Variants in DST observed in about 807,000 individuals in gnomAD.
DST encodes the protein bullous pemphigoid antigen.
In DST, 253 loss-of-function variants were observed where a neutral mutation model predicts 875.2. That is an observed-to-expected ratio of 0.29 (90% confidence interval 0.26 to 0.32). The LOEUF (loss-of-function observed/expected upper bound fraction) is 0.32. Ranked by LOEUF, DST falls within the 10% of genes least tolerant of loss-of-function variation. The probability of loss-of-function intolerance (pLI) is 1.00; values close to 1 mark genes in which losing one functional copy is unlikely to be tolerated. For synonymous variants in DST, 3,124 were observed against 3,197.1 expected, an observed-to-expected ratio of 0.98 and a Z score of 0.77; for missense variants, 8,287 against 9,111.6, an observed-to-expected ratio of 0.91 and a Z score of 3.68.
At chr6:56,602,182 T>TAGA (rs2098452000) in intron 43 of DST, among the ~76,000 whole-genome samples, 2 of 133,628 alleles carry the variant, frequency 1.5e-5, no homozygotes, top group African/African-American at 5.6e-5. Context: ...ATTAAGAACT[T>TAGA]AGAAAAAAAA....
At chr6:56,832,693 C>T (rs951362359) in intron 4 of DST, among the ~76,000 whole-genome samples, 1 of 151,626 alleles carries the variant, frequency 6.6e-6, no homozygotes, top group South Asian at 2.1e-4. Flanking sequence ...CAAAATCAAA[C>T]TCTTAATTTG....
At chr6:56,859,513 A>G (rs936662873) in intron 3 of DST, among the ~76,000 whole-genome samples, 2 of 152,226 alleles carry the variant, frequency 1.3e-5, no homozygotes, top group African/African-American at 4.8e-5. Context: ...AAGGAAGAAC[A>G]TTTTAAATAA....
At chr6:56,660,718 T>C (rs2152811917) in intron 10 of DST, among the ~76,000 whole-genome samples, 1 of 151,458 alleles carries the variant, frequency 6.6e-6, no homozygotes, top group African/African-American at 2.4e-5. Flanking sequence ...GAAGGTAATT[T>C]TCCCTTGTTC....
intron 9 of DST, among the ~76,000 whole-genome samples, chr6:56,697,720 A>G (rs1241412679): frequency 2.6e-5 from 4 of 152,128 alleles, no homozygotes; most frequent in East Asian, 1.9e-4. Context: ...GACACAGCCT[A>G]CCTCACCAGC....
chr6:56,895,067 C>A (rs1316584795), intron 3 of DST, among the ~76,000 whole-genome samples: 1 of 106,766 alleles, frequency 9.4e-6, no homozygotes, highest in Non-Finnish European at 1.8e-5. Flanking sequence ...GGGCGACTGG[C>A]CGGGCAGAGG....
chr6:56,691,125 A>G (rs1362942941), intron 9 of DST, among the ~76,000 whole-genome samples: 1 of 152,210 alleles, frequency 6.6e-6, no homozygotes, highest in Non-Finnish European at 1.5e-5. Flanking sequence ...AGATTATAAA[A>G]ATTTCCATTA....
rs148161044 is a variant in DST at position 56,566,371 on chromosome 6, A to G, written c.14005+2098T>C. Among the ~76,000 whole-genome samples, 1,334 of 152,354 alleles carry G rather than the reference A, an allele frequency of 8.8e-3. 19 individuals are homozygous for G. Among genetic ancestry groups the G allele is most frequent in the African/African-American group, 0.03 (1,252 of 41,578 alleles). On this transcript the variant is annotated intron_variant, in intron 55 of 103. Coordinates refer to ENST00000680361, the MANE Select transcript of DST (RefSeq NM_001374736.1). ...TCCTGGTCTGTGAGTTGCGAAGACC[A>G]TAGGAAAAGTGTAGTATCTGGGCCA... is the stretch of plus-strand genomic sequence containing the variant.
Position 56,784,333 on chromosome 6 carries a change from T to A in DST, c.626-49044A>T, listed in dbSNP as rs2099700551. Reference sequence around the variant, plus strand: ...CCTGCAGAGTGTTTTCCAACTTGGTTCCATTCTCCCCGTCACTTTCAGGTA... The same window carrying A: ...CCTGCAGAGTGTTTTCCAACTTGGTACCATTCTCCCCGTCACTTTCAGGTA... On this transcript the variant is annotated intron_variant, in intron 4 of 103. Transcript: ENST00000680361. Among the ~76,000 whole-genome samples the A allele has an allele frequency of 2.6e-5, 4 of 152,246 alleles. 1 individual carries two copies. The South Asian group carries it at 8.3e-4, about 31-fold the overall frequency.
intron 15 of DST, among the ~76,000 whole-genome samples, chr6:56,645,388 C>A (rs1179951218): frequency 6.6e-6 from 1 of 152,110 alleles, no homozygotes; most frequent in Non-Finnish European, 1.5e-5. Flanking sequence ...AGAAGCGTGG[C>A]AGAAAGGGAA....
At position 56,536,947 on chromosome 6, in the gene DST, T is replaced by G. The variant is rs370676277; in HGVS notation, c.16609-7A>C. On this transcript the variant is annotated splice_region_variant and splice_polypyrimidine_tract_variant and intron_variant, in intron 61 of 103. Transcript: ENST00000680361. ...TCTCTTCTTTCTGGAATACCTGCAG[T>G]TAAAAGAGTAATAATTATATGAGTT... 7.4e-6 allele frequency: 12 copies of G among 1,612,574 alleles called. No homozygotes were observed. The African/African-American group carries it at 1.6e-4, about 22-fold the overall frequency.
At chr6:56,695,966 T>C (rs17751695) in intron 9 of DST, among the ~76,000 whole-genome samples, 22,449 of 152,232 alleles carry the variant, frequency 0.15, 2,141 homozygotes, top group Non-Finnish European at 0.22. Context: ...TCTCAAGTTA[T>C]TGTCATACTA....
chr6:56,706,903 G>A (rs1043626567), intron 5 of DST, among the ~76,000 whole-genome samples: 2 of 152,198 alleles, frequency 1.3e-5, no homozygotes, highest in Middle Eastern at 3.2e-3. Flanking sequence ...TACTTGGGAC[G>A]CTGAGGCAGG....
Position 56,501,090 on chromosome 6 carries a change from G to T in DST, c.19886C>A (p.Ala6629Asp). ...GDPKAIEIELAKHHVLQNDVL... is the reference protein window; with the variant it reads ...GDPKAIEIELDKHHVLQNDVL... The stretch of plus-strand genomic sequence containing the variant: ...TTAACAGCTACGTACATGATGCTTG[G>T]CAAGTTCAATTTCAATGGCTTTAGG... The change falls in exon 80 of 104, where the codon GCC (alanine) becomes GAC (aspartate). Residue 6629 changes from alanine to aspartate, a missense_variant. Ala to Asp is a moderately radical substitution (Grantham distance 126). Transcript: ENST00000680361. 6.2e-7 allele frequency: 1 copy of T among 1,612,254 alleles called. No individual in the cohort carries two copies.
At chr6:56,554,999 A>G (rs1342347485) in intron 60 of DST, among the ~76,000 whole-genome samples, 14 of 152,256 alleles carry the variant, frequency 9.2e-5, no homozygotes, top group African/African-American at 3.4e-4. Context: ...AAGATGATGC[A>G]AAGCCTTTTA....
chr6:56,784,194 T>C (rs1048901170), intron 4 of DST, among the ~76,000 whole-genome samples: 13 of 152,330 alleles, frequency 8.5e-5, no homozygotes, highest in Non-Finnish European at 1.8e-4. Context: ...AATGTGACAA[T>C]TACGTGTCTT....
At chr6:56,506,312 C>A (rs538081195) in intron 77 of DST, 131 bp downstream of exon 77, 3 of 637,978 alleles carry the variant, frequency 4.7e-6, no homozygotes, top group African/African-American at 1.8e-5. Context: ...GATACACAGG[C>A]AACTGCAGGA....
intron 3 of DST, among the ~76,000 whole-genome samples, chr6:56,880,837 C>CTTTTTTTTTTTT (rs765843469): frequency 1.7e-5 from 1 of 58,064 alleles, no homozygotes; most frequent in Non-Finnish European, 2.8e-5. Flanking sequence ...TACTGTCTTT[C>CTTTTTTTTTTTT]TTTTTTTTTT....
chr6:56,536,779 C>A lies in DST; in HGVS notation c.16770G>T (p.Lys5590Asn). ...GCAATGAAGGGGGTGAGAAAATTAC[C>A]TTCTTATTGAGAGTCTTCCACCGTG... Reference protein sequence around the residue: ...VNARWKTLNKKVAQRAAQLQE... With the variant: ...VNARWKTLNKNVAQRAAQLQE... The change falls in exon 62 of 104, where the codon AAG becomes AAT. Residue 5590 changes from lysine to asparagine, a missense_variant and splice_region_variant. Lys to Asn is a moderately conservative substitution (Grantham distance 94). Coordinates refer to ENST00000680361, the MANE Select transcript of DST (RefSeq NM_001374736.1). The A allele has an allele frequency of 6.5e-7, 1 of 1,531,398 alleles. No individual in the cohort carries two copies. Among genetic ancestry groups the A allele is most frequent in the East Asian group, 2.3e-5 (1 of 42,704 alleles). 94.9% of individuals were successfully genotyped at this position (1,531,398 alleles called of 1,614,324 possible).
intron 55 of DST, among the ~76,000 whole-genome samples, chr6:56,565,459 G>C (rs2097656221): frequency 6.6e-6 from 1 of 152,244 alleles, no homozygotes; most frequent in South Asian, 2.1e-4. Context: ...AGTTTCGGAA[G>C]GAATGATACC....
Sources: allele counts gnomAD v4.1 joint callset (sites outside exome capture counted in the v4.1 genomes callset), GRCh38; gene constraint gnomAD v4.1.1; transcripts MANE v1.5; gene names NCBI Gene and HGNC (gene_info 2026-07-23, HGNC 2026-07-21).